DCAKD: variants seen among roughly 807,000 people sequenced by gnomAD.
DCAKD encodes the protein dephospho-CoA kinase domain-containing protein.
DCAKD carries 15 observed loss-of-function variants against 18.7 expected under a neutral mutation model. The observed-to-expected ratio is 0.80, with a 90% CI of 0.54 to 1.24. The LOEUF (loss-of-function observed/expected upper bound fraction) is 1.24, where lower values mean the gene tolerates loss of function less well. Ranked by LOEUF, DCAKD falls within the 50% of genes most tolerant of loss-of-function variation. The probability of loss-of-function intolerance (pLI) is 0.00; values close to 1 mark genes in which losing one functional copy is unlikely to be tolerated. For missense variants in DCAKD, 301 were observed against 322.0 expected (o/e 0.93, Z 0.50); for synonymous variants, 130 against 133.0 (o/e 0.98, Z 0.16).
intron 1 of DCAKD, among the ~76,000 whole-genome samples, chr17:45,042,868 C>T (rs1395893983): frequency 6.6e-6 from 1 of 152,200 alleles, no homozygotes; most frequent in Admixed American, 6.5e-5. Flanking sequence ...TCTGTGTCCT[C>T]CCTGCTCCCT....
Position 45,034,973 on chromosome 17 carries a change from G to T in DCAKD, c.-88C>A. 7.1e-7 allele frequency: 1 copy of T among 1,407,286 alleles called. No individual in the cohort carries two copies. Among genetic ancestry groups the T allele is most frequent in the Non-Finnish European group, 9.9e-7 (1 of 1,012,720 alleles). 87.2% of individuals were successfully genotyped at this position (1,407,286 alleles called of 1,614,324 possible). A position where few individuals can be genotyped will look rare whatever the true frequency, so the allele number is the denominator to read the frequency against. Reference sequence around the variant, plus strand: ...CAGGGCAAGTGTGGCCGATGGGGGCGGTCCACCAGAGGAGTGCCAGAAGGA... The same window carrying T: ...CAGGGCAAGTGTGGCCGATGGGGGCTGTCCACCAGAGGAGTGCCAGAAGGA... On this transcript the variant is annotated 5_prime_UTR_variant, in exon 2 of 5. Transcript: ENST00000651974.
At chr17:45,036,946 C>T (rs1438217414) in intron 1 of DCAKD, among the ~76,000 whole-genome samples, 5 of 152,160 alleles carry the variant, frequency 3.3e-5, no homozygotes, top group African/African-American at 1.2e-4. Flanking sequence ...TGAGCTTACA[C>T]TGAAATGAGT....
Position 45,038,072 on chromosome 17 carries a change from T to C in DCAKD, c.-114-3073A>G, listed in dbSNP as rs2053345084. On this transcript the variant is annotated intron_variant, in intron 1 of 4. Coordinates refer to ENST00000651974, the MANE Select transcript of DCAKD (RefSeq NM_001288655.2). ...GCGTGAGCCACCATGCCTGGCCTTT[T>C]TTTCTTTTCTTTTCTTTTCTTGAGA... is the stretch of plus-strand genomic sequence containing the variant. Among the ~76,000 whole-genome samples, 6 of 136,278 alleles carry C rather than the reference T, an allele frequency of 4.4e-5. 1 individual carries two copies. Among genetic ancestry groups the C allele is most frequent in the Admixed American group, 4.1e-4 (6 of 14,512 alleles). The allele number at this position is 136,278 out of a possible 152,430, so 89.4% of individuals were successfully genotyped here.
chr17:45,029,980 C>T, intron 4 of DCAKD, 112 bp downstream of exon 4: 1 of 947,640 alleles, frequency 1.1e-6, no homozygotes, highest in Admixed American at 1.7e-5. Flanking sequence ...TGCCCAAACC[C>T]CCATGCCTCT....
At chr17:45,054,913 C>T (rs903528233), upstream of DCAKD, among the ~76,000 whole-genome samples, 1 of 152,142 alleles carries the variant, frequency 6.6e-6, no homozygotes, top group Non-Finnish European at 1.5e-5. Context: ...TACTGCCTTA[C>T]AGTATTATAA....
chr17:45,026,054 G>T (rs2143163087), intron 4 of DCAKD, among the ~76,000 whole-genome samples: 1 of 152,042 alleles, frequency 6.6e-6, no homozygotes, highest in South Asian at 2.1e-4. Context: ...AAGTAGCTGG[G>T]ATTACAGGCG....
At chr17:45,036,879 T>C (rs2053313281) in intron 1 of DCAKD, among the ~76,000 whole-genome samples, 1 of 152,168 alleles carries the variant, frequency 6.6e-6, no homozygotes, top group Non-Finnish European at 1.5e-5. Flanking sequence ...AAATCTGCCA[T>C]AGGACTTTTT....
intron 4 of DCAKD, chr17:45,026,747 C>T (rs2053064414): frequency 1.0e-6 from 1 of 985,346 alleles, no homozygotes. Flanking sequence ...GTACTGTGGC[C>T]ATTGTGGGGC....
chr17:45,032,010 G>A (rs2053179948), intron 3 of DCAKD: 1 of 985,322 alleles, frequency 1.0e-6, no homozygotes, highest in South Asian at 4.7e-5. Flanking sequence ...GGAGGCGGGA[G>A]GCTGGGTGGA....
chr17:45,029,672 T>C (rs2053134827), intron 4 of DCAKD, among the ~76,000 whole-genome samples: 1 of 152,190 alleles, frequency 6.6e-6, no homozygotes, highest in African/African-American at 2.4e-5. Context: ...ACACATTCTG[T>C]AACTGCCCCC....
chr17:45,034,929 C>G lies in DCAKD; in HGVS notation c.-44G>C, dbSNP rs1251945199. On this transcript the variant is annotated 5_prime_UTR_variant, in exon 2 of 5. Transcript: ENST00000651974. ...GTCCGCGAGACTACGGAGCCAGGAG[C>G]TACAGAATCACTGGAGAGCAGGGCA... is the stretch of plus-strand genomic sequence containing the variant. 6.2e-7 allele frequency: 1 copy of G among 1,602,260 alleles called. No individual in the cohort carries two copies. Among genetic ancestry groups the G allele is most frequent in the Admixed American group, 1.7e-5 (1 of 59,148 alleles).
intron 1 of DCAKD, among the ~76,000 whole-genome samples, chr17:45,039,074 C>T (rs1163068243): frequency 6.6e-6 from 1 of 152,174 alleles, no homozygotes; most frequent in Non-Finnish European, 1.5e-5. Flanking sequence ...TGGTGCTGGC[C>T]CTGGGCCTGC....
intron 1 of DCAKD, among the ~76,000 whole-genome samples, chr17:45,047,055 G>A (rs1392437973): frequency 1.3e-5 from 2 of 151,532 alleles, no homozygotes; most frequent in African/African-American, 4.9e-5. Context: ...ACTGTGGACT[G>A]ACAGATTATT....
At chr17:45,039,718 T>C (rs1402061846) in intron 1 of DCAKD, among the ~76,000 whole-genome samples, 1 of 152,136 alleles carries the variant, frequency 6.6e-6, no homozygotes, top group Non-Finnish European at 1.5e-5. Flanking sequence ...GGGCTGGAGT[T>C]TCAGTGCCAA....
chr17:45,030,518 G>A (rs993626314), intron 3 of DCAKD, among the ~76,000 whole-genome samples: 1 of 152,278 alleles, frequency 6.6e-6, no homozygotes, highest in Admixed American at 6.5e-5. Flanking sequence ...AGGCTCTACT[G>A]TGCGGGCTGA....
intron 1 of DCAKD, among the ~76,000 whole-genome samples, chr17:45,037,424 A>G (rs1304084372): frequency 6.6e-6 from 1 of 152,082 alleles, no homozygotes; most frequent in Non-Finnish European, 1.5e-5. Flanking sequence ...AATGTCAGCC[A>G]CTCAGCTGAA....
Position 45,060,986 on chromosome 17 carries a change from C to T in DCAKD, c.-216G>A, listed in dbSNP as rs886381436. Reference sequence around the variant, plus strand: ...GAAATCAAACCTCGGATTTTGGAACCTCCACGCCTGAAACCCTAAACCAGC... The same window carrying T: ...GAAATCAAACCTCGGATTTTGGAACTTCCACGCCTGAAACCCTAAACCAGC... On this transcript the variant is annotated 5_prime_UTR_variant, in exon 1 of 5. Transcript: ENST00000310604. 7.8e-5 allele frequency: 82 copies of T among 1,050,702 alleles called. No individual in the cohort carries two copies. The African/African-American group carries it at 1.4e-3, about 17-fold the overall frequency. The allele number at this position is 1,050,702 out of a possible 1,614,324, so 65.1% of individuals were successfully genotyped here.
intron 1 of DCAKD, among the ~76,000 whole-genome samples, chr17:45,047,438 A>G (rs1416207584): frequency 6.7e-6 from 1 of 150,258 alleles, no homozygotes; most frequent in Admixed American, 6.6e-5. Flanking sequence ...ATGCACCAAC[A>G]CGCCCGGCTA....
chr17:45,031,470 T>A (rs2143206115), intron 3 of DCAKD: 1 of 960,070 alleles, frequency 1.0e-6, no homozygotes, highest in Non-Finnish European at 1.2e-6. Flanking sequence ...ATGGTAAAGA[T>A]GAAATGAGCC....
Sources: gnomAD v4.1 joint callset for allele counts (sites outside exome capture counted in the v4.1 genomes callset) on GRCh38, gnomAD v4.1.1 for gene constraint, MANE v1.5 for transcripts, NCBI Gene and HGNC (gene_info 2026-07-23, HGNC 2026-07-21) for gene names.